KSR2: variants seen among roughly 807,000 people sequenced by gnomAD.
The protein encoded by KSR2 is kinase suppressor of ras 2.
Under a neutral mutation model 107.8 loss-of-function variants are expected in KSR2, and 25 were observed. That is an observed-to-expected ratio of 0.23 (90% confidence interval 0.17 to 0.32). The LOEUF is 0.32. Ranked by LOEUF, KSR2 falls within the 10% of genes least tolerant of loss-of-function variation. KSR2 has a pLI of 1.00. For missense variants in KSR2, 887 were observed against 1,268.9 expected (o/e 0.70, Z 4.57); for synonymous variants, 480 against 507.0 (o/e 0.95, Z 0.71).
intron 4 of KSR2, among the ~76,000 whole-genome samples, chr12:117,682,987 T>G (rs1179612274): frequency 6.6e-6 from 1 of 152,040 alleles, no homozygotes; most frequent in East Asian, 1.9e-4. Flanking sequence ...GCCTCCTAAG[T>G]TGAAGCTTCA....
chr12:117,593,854 G>A (rs966874479), intron 5 of KSR2, among the ~76,000 whole-genome samples: 2 of 152,240 alleles, frequency 1.3e-5, no homozygotes, highest in Admixed American at 1.3e-4. Flanking sequence ...GGCTCCTTTG[G>A]GAAAGAAGCC....
At chr12:117,889,572 T>G (rs1361415265) in intron 1 of KSR2, 1 of 152,038 alleles carries the variant, frequency 6.6e-6, no homozygotes, top group South Asian at 2.1e-4. Flanking sequence ...GGGGCCATAG[T>G]GTCAGCACAG....
In KSR2 at chr12:117,480,022, ATGTGTATG is replaced by A. The variant is rs1237747568; in HGVS notation, c.2451-3435_2451-3428del. Among the ~76,000 whole-genome samples the A allele has an allele frequency of 5.9e-3, 846 of 142,190 alleles. 10 individuals carry two copies. The highest frequency in any genetic ancestry group is 0.023 in the African/African-American group (776 of 34,218). The allele number at this position is 142,190 out of a possible 152,430, so 93.3% of individuals were successfully genotyped here. On this transcript the variant is annotated intron_variant, in intron 16 of 19. Coordinates refer to ENST00000339824, the MANE Select transcript of KSR2 (RefSeq NM_173598.6). ...CAATTACTGGACATAATCATTACAC[ATGTGTATG>A]TGTGTGTGTGTGTGTGTGTGTGTGT...
At chr12:117,933,822 G>C (rs1039207011) in intron 1 of KSR2, among the ~76,000 whole-genome samples, 2 of 152,008 alleles carry the variant, frequency 1.3e-5, no homozygotes, top group Non-Finnish European at 2.9e-5. Flanking sequence ...TATGTAACTT[G>C]CCCAAGCGAC....
At chr12:117,906,863 T>C (rs1894869864) in intron 1 of KSR2, among the ~76,000 whole-genome samples, 1 of 151,972 alleles carries the variant, frequency 6.6e-6, no homozygotes, top group South Asian at 2.1e-4. Flanking sequence ...CCCCCGTCTC[T>C]ACAAAAAAAT....
rs28450122 is a variant in KSR2 at position 117,859,451 on chromosome 12, T to A, written c.321+840A>T. ...CCTGGCCTGTTTTTTTCGTTTTTTGTTTTTTATTTATTTTTTTTTTTTTGA... is the reference window on the plus strand; with the variant it reads ...CCTGGCCTGTTTTTTTCGTTTTTTGATTTTTATTTATTTTTTTTTTTTTGA... On this transcript the variant is annotated intron_variant, in intron 2 of 19. Transcript: ENST00000339824. Among the ~76,000 whole-genome samples, 562 of 135,852 alleles carry A rather than the reference T, an allele frequency of 4.1e-3. 2 individuals are homozygous for A. The highest frequency in any genetic ancestry group is 0.016 in the African/African-American group (531 of 33,202). 89.1% of individuals were successfully genotyped at this position (135,852 alleles called of 152,430 possible).
rs181394466 is a variant in KSR2 at position 117,466,759 on chromosome 12, G to A, written c.*440C>T. ...TACAGACAGAACTGAGGAGTGCCCC[G>A]TCATTGGGACAGTCTGGCTCTTGCT... On this transcript the variant is annotated 3_prime_UTR_variant, in exon 20 of 20. Transcript: ENST00000339824. 11 of 161,776 alleles carry A rather than the reference G, an allele frequency of 6.8e-5. No homozygotes were observed. Among genetic ancestry groups the A allele is most frequent in the East Asian group, 1.8e-4 (1 of 5,702 alleles). The allele number at this position is 161,776 out of a possible 1,614,324, so 10.0% of individuals were successfully genotyped here. A position where few individuals can be genotyped will look rare whatever the true frequency, so the allele number is the denominator to read the frequency against.
At chr12:117,753,051 T>C (rs1223195795) in intron 4 of KSR2, among the ~76,000 whole-genome samples, 2 of 152,196 alleles carry the variant, frequency 1.3e-5, no homozygotes, top group African/African-American at 4.8e-5. Context: ...CCTTTCTAAG[T>C]ATGGCCACAA....
At chr12:117,751,541 C>T (rs927596560) in intron 4 of KSR2, among the ~76,000 whole-genome samples, 1 of 152,106 alleles carries the variant, frequency 6.6e-6, no homozygotes, top group Non-Finnish European at 1.5e-5. Flanking sequence ...TGGGAGCTCA[C>T]GGAATGGATC....
chr12:117,505,185 G>A (rs979039796), intron 14 of KSR2, among the ~76,000 whole-genome samples: 1 of 152,120 alleles, frequency 6.6e-6, no homozygotes, highest in African/African-American at 2.4e-5. Flanking sequence ...CCGTGTCTTG[G>A]CAATTGTGAA....
At chr12:117,753,142 T>C (rs76657508) in intron 4 of KSR2, among the ~76,000 whole-genome samples, 3,026 of 152,382 alleles carry the variant, frequency 0.02, 44 homozygotes, top group Non-Finnish European at 0.03. Flanking sequence ...ACTGCATTTA[T>C]AGGATTAAAT....
At chr12:117,835,050 A>G (rs1892143118) in intron 3 of KSR2, among the ~76,000 whole-genome samples, 1 of 152,162 alleles carries the variant, frequency 6.6e-6, no homozygotes, top group Non-Finnish European at 1.5e-5. Flanking sequence ...AGTCCAGGGA[A>G]AAAGGGGCTT....
intron 5 of KSR2, among the ~76,000 whole-genome samples, chr12:117,651,560 T>C (rs957808100): frequency 5.3e-5 from 8 of 152,222 alleles, no homozygotes; most frequent in Non-Finnish European, 7.3e-5. Flanking sequence ...CTGCATTTAA[T>C]GTTGCATATT....
At chr12:117,625,696 A>G (rs765140389) in intron 5 of KSR2, among the ~76,000 whole-genome samples, 70 of 152,194 alleles carry the variant, frequency 4.6e-4, no homozygotes, top group Non-Finnish European at 9.1e-4. Context: ...AGGCTTTGGT[A>G]TCAGGATGAT....
intron 3 of KSR2, among the ~76,000 whole-genome samples, chr12:117,802,844 A>G (rs1009342334): frequency 1.3e-5 from 2 of 152,208 alleles, no homozygotes; most frequent in African/African-American, 4.8e-5. Context: ...CCCGGCTCTG[A>G]CAAGACAGTG....
intron 3 of KSR2, among the ~76,000 whole-genome samples, chr12:117,809,321 G>A (rs555540483): frequency 5.5e-4 from 84 of 152,070 alleles, no homozygotes; most frequent in African/African-American, 1.9e-3. Flanking sequence ...TTTGTTGATG[G>A]GGGTTGCGCT....
At chr12:117,553,906 G>A (rs1319698683) in intron 9 of KSR2, among the ~76,000 whole-genome samples, 3 of 150,394 alleles carry the variant, frequency 2.0e-5, no homozygotes, top group Non-Finnish European at 2.9e-5. Flanking sequence ...CGTGTGATGC[G>A]TGCTTCCCTT....
chr12:117,597,265 G>A (rs921878535), intron 5 of KSR2, among the ~76,000 whole-genome samples: 5 of 152,186 alleles, frequency 3.3e-5, no homozygotes, highest in Admixed American at 3.3e-4. Flanking sequence ...GGTGCTAATC[G>A]CTGGAATCAG....
At chr12:117,666,893 A>T (rs1205615681) in intron 5 of KSR2, among the ~76,000 whole-genome samples, 1 of 152,192 alleles carries the variant, frequency 6.6e-6, no homozygotes, top group Admixed American at 6.5e-5. Flanking sequence ...ATCACCAAAA[A>T]GTTCCATTTC....
Sources: allele counts gnomAD v4.1 joint callset (sites outside exome capture counted in the v4.1 genomes callset), GRCh38; gene constraint gnomAD v4.1.1; transcripts MANE v1.5; gene names NCBI Gene and HGNC (gene_info 2026-07-23, HGNC 2026-07-21).